Variants in SCAI observed in about 807,000 individuals in gnomAD.
The protein encoded by SCAI is protein SCAI.
A neutral mutation model predicts 92.2 loss-of-function variants in SCAI; 24 were observed. The ratio of observed to expected loss-of-function variants is 0.26; its 90% CI spans 0.19 to 0.37. SCAI has a LOEUF of 0.37. Ranked by LOEUF, SCAI falls within the 10% of genes least tolerant of loss-of-function variation. The probability of loss-of-function intolerance (pLI) is 1.00; values close to 1 mark genes in which losing one functional copy is unlikely to be tolerated. For synonymous variants in SCAI, 261 were observed against 258.6 expected (o/e 1.01, Z -0.09); for missense variants, 450 against 736.2 (o/e 0.61, Z 4.50).
chr9:125,027,627 T>A (rs1257551367), intron 5 of SCAI, among the ~76,000 whole-genome samples: 1 of 152,092 alleles, frequency 6.6e-6, no homozygotes, highest in Admixed American at 6.6e-5. Flanking sequence ...TTCAAGCAAT[T>A]TTCCTCCCTC....
intron 3 of SCAI, among the ~76,000 whole-genome samples, chr9:125,034,941 T>C (rs1295837394): frequency 6.6e-6 from 1 of 152,216 alleles, no homozygotes; most frequent in Non-Finnish European, 1.5e-5. Context: ...GTTTTCAACT[T>C]TTAGAATCCA....
chr9:125,071,765 T>C (rs1319019797), intron 2 of SCAI, among the ~76,000 whole-genome samples: 2 of 152,214 alleles, frequency 1.3e-5, no homozygotes, highest in Non-Finnish European at 2.9e-5. Flanking sequence ...ACACAATTGC[T>C]TGATACACAG....
At chr9:124,990,428 G>C (rs765681602) in intron 14 of SCAI, among the ~76,000 whole-genome samples, 5 of 151,960 alleles carry the variant, frequency 3.3e-5, no homozygotes, top group Non-Finnish European at 7.4e-5. Context: ...GGCGGAAGTT[G>C]CAGTGAGCCA....
intron 2 of SCAI, among the ~76,000 whole-genome samples, chr9:125,117,093 CTCAG>C (rs1301008554): frequency 6.6e-6 from 1 of 151,986 alleles, no homozygotes; most frequent in African/African-American, 2.4e-5. Context: ...TTTTTTTTCA[CTCAG>C]TAACATTTCA....
intron 2 of SCAI, among the ~76,000 whole-genome samples, chr9:125,068,313 C>T (rs981149258): frequency 2.3e-4 from 35 of 151,498 alleles, no homozygotes; most frequent in African/African-American, 8.5e-4. Flanking sequence ...TCAACCTGGG[C>T]AACAAAGCAA....
intron 2 of SCAI, among the ~76,000 whole-genome samples, chr9:125,105,571 A>G (rs886209047): frequency 6.6e-5 from 10 of 152,208 alleles, no homozygotes; most frequent in Admixed American, 2.0e-4. Flanking sequence ...AATCTCTATA[A>G]TTCTGTACAG....
rs954615962 is a variant in SCAI, at chr9:125,013,515, C to A, written c.861+5284G>T. Among the ~76,000 whole-genome samples the A allele has an allele frequency of 1.8e-4, 28 of 152,250 alleles. No homozygotes were observed. In the East Asian group the frequency reaches 4.4e-3, roughly 24 times the overall value. On this transcript the variant is annotated intron_variant, in intron 9 of 17. Coordinates refer to ENST00000336505, the MANE Select transcript of SCAI (RefSeq NM_001144877.3). ...AATCTCTGAATAGACCAGTAACAGGCTCTGAAATTGTGGCAATAATCAATA... is the reference window on the plus strand; with the variant it reads ...AATCTCTGAATAGACCAGTAACAGGATCTGAAATTGTGGCAATAATCAATA...
chr9:125,139,390 A>G (rs1835613533), intron 2 of SCAI, among the ~76,000 whole-genome samples: 1 of 152,098 alleles, frequency 6.6e-6, no homozygotes, highest in South Asian at 2.1e-4. Flanking sequence ...TCCACCCTGA[A>G]GTGAGACCGT....
chr9:125,028,182 T>C (rs1461558414), intron 5 of SCAI, among the ~76,000 whole-genome samples: 1 of 152,180 alleles, frequency 6.6e-6, no homozygotes, highest in African/African-American at 2.4e-5. Flanking sequence ...AAATGAAGTG[T>C]TTGGGAGGCA....
chr9:125,018,881 C>T lies in SCAI; in HGVS notation c.779G>A (p.Gly260Glu), dbSNP rs1832814886. The change falls in exon 9 of 18, where the codon GGA (glycine) becomes GAA (glutamate). Residue 260 changes from glycine (G) to glutamate (E), a missense_variant. Gly to Glu is a moderately conservative substitution (Grantham distance 98). Around this residue, in one of 3 missense-constraint regions of SCAI, gnomAD observed 360 missense variants for 601.8 expected, o/e 0.60. Transcript: ENST00000336505. Reference protein sequence around the residue: ...VITSNRLAETGAPLLEQGMIV... With the variant: ...VITSNRLAETEAPLLEQGMIV... Reference sequence around the variant, plus strand: ...CATGCCCTGTTCCAGCAATGGGGCTCCTGTTTCAGCAAGGCGATTCGATGT... The same window carrying T: ...CATGCCCTGTTCCAGCAATGGGGCTTCTGTTTCAGCAAGGCGATTCGATGT... The T allele has an allele frequency of 1.9e-6, 3 of 1,613,684 alleles. No individual in the cohort carries two copies. The East Asian group carries it at 6.7e-5, about 36-fold the overall frequency.
chr9:124,955,701 A>G (rs1209315896), intron 17 of SCAI, among the ~76,000 whole-genome samples: 2 of 152,084 alleles, frequency 1.3e-5, no homozygotes, highest in African/African-American at 2.4e-5. Flanking sequence ...AACGAAAGTT[A>G]ATGGAAGTTT....
intron 9 of SCAI, among the ~76,000 whole-genome samples, chr9:125,009,061 T>G (rs745961933): frequency 1.3e-4 from 19 of 151,988 alleles, no homozygotes; most frequent in Middle Eastern, 6.8e-3. Flanking sequence ...TTCAAAGTGC[T>G]GAAAAAAAAT....
At position 125,046,196 on chromosome 9, in the gene SCAI, GATATAT is replaced by G. The variant is rs71374222; in HGVS notation, c.230+9674_230+9679del. Among the ~76,000 whole-genome samples the G allele has an allele frequency of 2.2e-3, 113 of 51,876 alleles. 5 individuals carry two copies. The highest frequency in any genetic ancestry group is 0.011 in the East Asian group (17 of 1,482). The allele number at this position is 51,876 out of a possible 152,430, so 34.0% of individuals were successfully genotyped here. A position where few individuals can be genotyped will look rare whatever the true frequency, so the allele number is the denominator to read the frequency against. ...CAACAAGTGAATAAAGAAATTGTGA[GATATAT>G]ATATATATATATATATATATATGCA... On this transcript the variant is annotated intron_variant, in intron 3 of 17. Coordinates refer to ENST00000336505, the MANE Select transcript of SCAI (RefSeq NM_001144877.3).
Position 124,950,442 on chromosome 9 carries a change from G to A in SCAI, c.*2365C>T, listed in dbSNP as rs1480602776. The A allele has an allele frequency of 6.6e-6, 1 of 152,164 alleles. No homozygotes were observed. The highest frequency in any genetic ancestry group is 1.9e-4 in the East Asian group (1 of 5,188). The allele number at this position is 152,164 out of a possible 1,614,324, so 9.4% of individuals were successfully genotyped here. A position where few individuals can be genotyped will look rare whatever the true frequency, so the allele number is the denominator to read the frequency against. ...CCAGTGTTCTTTATGCTTAACGGGG[G>A]AGGATAAAGCTCAGAACAGTAAATA... On this transcript the variant is annotated 3_prime_UTR_variant, in exon 18 of 18. Transcript: ENST00000336505.
chr9:124,978,495 T>C (rs769999384), intron 14 of SCAI, among the ~76,000 whole-genome samples: 22 of 152,224 alleles, frequency 1.4e-4, no homozygotes, highest in Non-Finnish European at 2.9e-4. Context: ...TTTGAGAATA[T>C]ACACTGTTGG....
At chr9:124,978,339 G>A (rs112197367) in intron 14 of SCAI, among the ~76,000 whole-genome samples, 5 of 152,324 alleles carry the variant, frequency 3.3e-5, no homozygotes, top group African/African-American at 9.6e-5. Flanking sequence ...TACTCAGGAA[G>A]CTGAGGCAGG....
chr9:124,979,907 G>A (rs1210240784), intron 14 of SCAI, among the ~76,000 whole-genome samples: 11 of 151,928 alleles, frequency 7.2e-5, no homozygotes, highest in African/African-American at 2.7e-4. Flanking sequence ...AAAATTAGCC[G>A]GGCATGGTGG....
At chr9:124,957,680 A>ATT (rs35804136) in intron 17 of SCAI, among the ~76,000 whole-genome samples, 2 of 129,560 alleles carry the variant, frequency 1.5e-5, no homozygotes, top group Non-Finnish European at 3.4e-5. Flanking sequence ...AAATAATACA[A>ATT]TTTTTTTTTT....
intron 2 of SCAI, among the ~76,000 whole-genome samples, chr9:125,076,531 G>A (rs1834093400): frequency 6.6e-6 from 1 of 150,926 alleles, no homozygotes; most frequent in Non-Finnish European, 1.5e-5. Flanking sequence ...AAAACTGTGT[G>A]GCCTGCACTT....
Sources: allele counts gnomAD v4.1 joint callset (sites outside exome capture counted in the v4.1 genomes callset), GRCh38; gene constraint gnomAD v4.1.1; regional missense constraint gnomAD v4.1.1; transcripts MANE v1.5; gene names NCBI Gene and HGNC (gene_info 2026-07-23, HGNC 2026-07-21).